Variants in ZNHIT6 observed in about 807,000 individuals in gnomAD.
The protein encoded by ZNHIT6 is zinc finger HIT-type containing 6, also known as box C/D snoRNA protein 1.
In ZNHIT6, 45 loss-of-function variants were observed where a neutral mutation model predicts 57.2. The observed-to-expected ratio is 0.79, with a 90% CI of 0.62 to 1.01. ZNHIT6 has a LOEUF of 1.01. Among genes scored for constraint, ZNHIT6 ranks in the 50% least tolerant of loss-of-function variants. The pLI, the probability that ZNHIT6 is intolerant of heterozygous loss-of-function variation, is 0.00. For synonymous variants in ZNHIT6, 188 were observed against 190.0 expected (o/e 0.99, Z 0.09); for missense variants, 528 against 567.3 (o/e 0.93, Z 0.70).
At chr1:85,671,297 G>C (rs1661551123) in intron 8 of ZNHIT6, among the ~76,000 whole-genome samples, 1 of 152,054 alleles carries the variant, frequency 6.6e-6, no homozygotes, top group Admixed American at 6.6e-5. Context: ...GTATATCCCA[G>C]AAGTATAAGA....
In ZNHIT6 at chr1:85,653,907, A is replaced by G; in HGVS notation, c.*151T>C. 1.6e-6 allele frequency: 1 copy of G among 629,342 alleles called. No individual in the cohort carries two copies. Among genetic ancestry groups the G allele is most frequent in the Non-Finnish European group, 2.8e-6 (1 of 361,272 alleles). The allele number at this position is 629,342 out of a possible 1,614,324, so 39.0% of individuals were successfully genotyped here. The stretch of plus-strand genomic sequence containing the variant: ...GTCAATTAATTCAAGAGGTTATAAA[A>G]TACATTTTTTAAAAGAGTTAAGCTT... On this transcript the variant is annotated 3_prime_UTR_variant, in exon 10 of 10. Coordinates refer to ENST00000370574, the MANE Select transcript of ZNHIT6 (RefSeq NM_017953.4).
At chr1:85,680,152 C>T (rs780760660) in intron 6 of ZNHIT6, among the ~76,000 whole-genome samples, 181 of 152,208 alleles carry the variant, frequency 1.2e-3, no homozygotes, top group Non-Finnish European at 1.3e-3. Context: ...CTGCAGTGAG[C>T]GGAGGTCCGC....
Position 85,653,881 on chromosome 1 carries a change from A to G in ZNHIT6, c.*177T>C, listed in dbSNP as rs943967502. 1 of 585,050 alleles carries G rather than the reference A, an allele frequency of 1.7e-6. No individual in the cohort carries two copies. Among genetic ancestry groups the G allele is most frequent in the Non-Finnish European group, 3.0e-6 (1 of 333,550 alleles). The allele number at this position is 585,050 out of a possible 1,614,324, so 36.2% of individuals were successfully genotyped here. A position where few individuals can be genotyped will look rare whatever the true frequency, so the allele number is the denominator to read the frequency against. ...TTAATATGAATAAATGGGTCTTACA[A>G]GTCAATTAATTCAAGAGGTTATAAA... On this transcript the variant is annotated 3_prime_UTR_variant, in exon 10 of 10. Coordinates refer to ENST00000370574, the MANE Select transcript of ZNHIT6 (RefSeq NM_017953.4).
intron 8 of ZNHIT6, among the ~76,000 whole-genome samples, chr1:85,664,455 T>C (rs1160397184): frequency 6.6e-6 from 1 of 152,236 alleles, no homozygotes; most frequent in African/African-American, 2.4e-5. Flanking sequence ...ACTGTTTTAT[T>C]GTGATTCTTA....
intron 8 of ZNHIT6, among the ~76,000 whole-genome samples, chr1:85,674,156 C>T (rs1454131725): frequency 6.6e-6 from 1 of 152,146 alleles, no homozygotes; most frequent in African/African-American, 2.4e-5. Context: ...TAACCTTTTC[C>T]CCCTTCCTTT....
intron 5 of ZNHIT6, among the ~76,000 whole-genome samples, chr1:85,696,947 G>A (rs1371492992): frequency 6.8e-5 from 10 of 146,656 alleles, no homozygotes; most frequent in African/African-American, 2.5e-4. Context: ...TGCAAGCTCC[G>A]CCTCCCAGGT....
At chr1:85,695,977 A>G (rs1336003682) in intron 5 of ZNHIT6, among the ~76,000 whole-genome samples, 1 of 152,226 alleles carries the variant, frequency 6.6e-6, no homozygotes, top group Non-Finnish European at 1.5e-5. Context: ...CAGAGATTGC[A>G]GTAAGCTGAG....
At position 85,667,966 on chromosome 1, in the gene ZNHIT6, A is replaced by G. The variant is rs866863115; in HGVS notation, c.1247+9270T>C. Among the ~76,000 whole-genome samples the G allele has an allele frequency of 2.0e-4, 23 of 116,702 alleles. 2 individuals carry two copies. The highest frequency in any genetic ancestry group is 5.1e-4 in the African/African-American group (16 of 31,228). The allele number at this position is 116,702 out of a possible 152,430, so 76.6% of individuals were successfully genotyped here. On this transcript the variant is annotated intron_variant, in intron 8 of 9. Coordinates refer to ENST00000370574, the MANE Select transcript of ZNHIT6 (RefSeq NM_017953.4). ...CTCTTTCAAAAAAAAAAAAAAATAT[A>G]TATATATATATATATATATGCTCTG... is the stretch of plus-strand genomic sequence containing the variant.
At chr1:85,657,155 CAGTT>C (rs1344005206) in intron 9 of ZNHIT6, among the ~76,000 whole-genome samples, 1 of 152,114 alleles carries the variant, frequency 6.6e-6, no homozygotes, top group East Asian at 1.9e-4. Context: ...TTCAGAAGCA[CAGTT>C]AGTTTACTTT....
At position 85,680,824 on chromosome 1, in the gene ZNHIT6, T is replaced by C. The variant is rs1661853199; in HGVS notation, c.1088+12A>G. ...TTAAAACAAATCAGTGATTGAAAGA[T>C]AGCAGTGATACCTTTTTTCTATGTA... On this transcript the variant is annotated intron_variant, in intron 6 of 9. Coordinates refer to ENST00000370574, the MANE Select transcript of ZNHIT6 (RefSeq NM_017953.4). The C allele has an allele frequency of 2.5e-6, 4 of 1,601,008 alleles. No homozygotes were observed. Among genetic ancestry groups the C allele is most frequent in the Non-Finnish European group, 1.7e-6 (2 of 1,171,218 alleles).
At position 85,652,912 on chromosome 1, in the gene ZNHIT6, G is replaced by A. The variant is rs1220428885; in HGVS notation, c.*1146C>T. Reference sequence around the variant, plus strand: ...TTTTTTCAGTACATGAGATCAAACTGTATACAGAGCTGCCATAACGTATAA... The same window carrying A: ...TTTTTTCAGTACATGAGATCAAACTATATACAGAGCTGCCATAACGTATAA... On this transcript the variant is annotated 3_prime_UTR_variant, in exon 10 of 10. Transcript: ENST00000370574. The A allele has an allele frequency of 6.6e-6, 1 of 152,078 alleles. No individual in the cohort carries two copies. Among genetic ancestry groups the A allele is most frequent in the African/African-American group, 2.4e-5 (1 of 41,414 alleles). 9.4% of individuals were successfully genotyped at this position (152,078 alleles called of 1,614,324 possible). A position where few individuals can be genotyped will look rare whatever the true frequency, so the allele number is the denominator to read the frequency against.
chr1:85,681,988 T>A (rs1428972192), intron 5 of ZNHIT6, among the ~76,000 whole-genome samples: 5 of 149,982 alleles, frequency 3.3e-5, no homozygotes, highest in Admixed American at 2.7e-4. Flanking sequence ...TTTTTTTTTT[T>A]AATAAGAAAT....
At chr1:85,687,288 CA>C (rs1358501791) in intron 5 of ZNHIT6, among the ~76,000 whole-genome samples, 2 of 75,226 alleles carry the variant, frequency 2.7e-5, no homozygotes, top group Non-Finnish European at 4.6e-5. Context: ...TCTCAAAAAA[CA>C]AAAAAAAAAC....
intron 5 of ZNHIT6, among the ~76,000 whole-genome samples, chr1:85,698,216 TGACTTCACA>T (rs1662432012): frequency 6.6e-6 from 1 of 152,194 alleles, no homozygotes; most frequent in Non-Finnish European, 1.5e-5. Context: ...CATCTATTTT[TGACTTCACA>T]GACTTCACCT....
chr1:85,690,442 C>T (rs76778026), intron 5 of ZNHIT6, among the ~76,000 whole-genome samples: 6 of 152,154 alleles, frequency 3.9e-5, no homozygotes, highest in Admixed American at 2.0e-4. Context: ...AACTATTTCT[C>T]ATCCTTAAAA....
In ZNHIT6 at chr1:85,677,217, G is replaced by A; in HGVS notation, c.1247+19C>T. The A allele has an allele frequency of 6.4e-7, 1 of 1,561,542 alleles. No homozygotes were observed. Among genetic ancestry groups the A allele is most frequent in the Middle Eastern group, 1.9e-4 (1 of 5,310 alleles). Reference sequence around the variant, plus strand: ...GAACTAAAAAATATTTAAAGAAATGGGGAGGGGAGCAATTTTACCTTACTA... The same window carrying A: ...GAACTAAAAAATATTTAAAGAAATGAGGAGGGGAGCAATTTTACCTTACTA... On this transcript the variant is annotated intron_variant, in intron 8 of 9. Coordinates refer to ENST00000370574, the MANE Select transcript of ZNHIT6 (RefSeq NM_017953.4).
In ZNHIT6 at chr1:85,706,461, AACGTGG is replaced by A; in HGVS notation, c.697_702del (p.Pro233_Arg234del). Reference sequence around the variant, plus strand: ...GTATACCTGCAGGAATATCGCATACAACGTGGACATCTGTACTTTGCTTCTTCTGTA... The same window carrying A: ...GTATACCTGCAGGAATATCGCATACAACATCTGTACTTTGCTTCTTCTGTA... On this transcript the variant is annotated inframe_deletion, in exon 2 of 10. Coordinates refer to ENST00000370574, the MANE Select transcript of ZNHIT6 (RefSeq NM_017953.4). 1 of 1,609,874 alleles carries A rather than the reference AACGTGG, an allele frequency of 6.2e-7. No homozygotes were observed. The highest frequency in any genetic ancestry group is 8.5e-7 in the Non-Finnish European group (1 of 1,179,172).
chr1:85,686,793 T>C (rs1417372773), intron 5 of ZNHIT6, among the ~76,000 whole-genome samples: 1 of 152,188 alleles, frequency 6.6e-6, no homozygotes, highest in African/African-American at 2.4e-5. Context: ...CTCAATATAC[T>C]ATAAGGTCCA....
At chr1:85,683,376 G>A (rs897884457) in intron 5 of ZNHIT6, among the ~76,000 whole-genome samples, 3 of 152,138 alleles carry the variant, frequency 2.0e-5, no homozygotes, top group Non-Finnish European at 4.4e-5. Flanking sequence ...AAATTAGTCA[G>A]GTGTGGTGGC....
Sources: allele counts gnomAD v4.1 joint callset (sites outside exome capture counted in the v4.1 genomes callset), GRCh38; gene constraint gnomAD v4.1.1; transcripts MANE v1.5; gene names NCBI Gene and HGNC (gene_info 2026-07-23, HGNC 2026-07-21).